The following ALK variants were observed in gnomAD, a reference collection of about 807,000 sequenced individuals.
The protein encoded by ALK is ALK receptor tyrosine kinase.
Under a neutral mutation model 163.1 loss-of-function variants are expected in ALK, and 74 were observed. The observed-to-expected ratio is 0.45, with a 90% CI of 0.38 to 0.55. The LOEUF (loss-of-function observed/expected upper bound fraction) is 0.55, where lower values mean the gene tolerates loss of function less well. Ranked by LOEUF, ALK falls within the 20% of genes least tolerant of loss-of-function variation. The probability of loss-of-function intolerance (pLI) is 0.00; values close to 1 mark genes in which losing one functional copy is unlikely to be tolerated. For missense variants in ALK, 2,063 were observed against 2,105.3 expected (o/e 0.98, Z 0.39); for synonymous variants, 960 against 843.2 (o/e 1.14, Z -2.40).
At chr2:29,296,846 T>C in intron 9 of ALK, 42 bp downstream of exon 9, 1 of 1,613,268 alleles carries the variant, frequency 6.2e-7, no homozygotes. Context: ...TCATTTTAGC[T>C]GATAGAGGAG....
At chr2:29,809,849 G>C (rs563479718) in intron 1 of ALK, among the ~76,000 whole-genome samples, 54 of 152,330 alleles carry the variant, frequency 3.5e-4, no homozygotes, top group African/African-American at 1.2e-3. Flanking sequence ...GGATGGTCCA[G>C]CTTCACTGAG....
chr2:29,572,574 G>T (rs1418048537), intron 3 of ALK, among the ~76,000 whole-genome samples: 1 of 152,110 alleles, frequency 6.6e-6, no homozygotes, highest in Non-Finnish European at 1.5e-5. Flanking sequence ...TATCTGGGTG[G>T]TTATTATATT....
intron 4 of ALK, among the ~76,000 whole-genome samples, chr2:29,474,369 G>A (rs569069512): frequency 1.8e-4 from 27 of 152,298 alleles, no homozygotes; most frequent in Admixed American, 7.2e-4. Context: ...CTTACCTGCC[G>A]GTAAGTGTTT....
intron 3 of ALK, among the ~76,000 whole-genome samples, chr2:29,643,421 T>A (rs1676761422): frequency 6.6e-6 from 1 of 152,186 alleles, no homozygotes; most frequent in Non-Finnish European, 1.5e-5. Flanking sequence ...TTAATTTTAG[T>A]CTAAGAAATT....
intron 4 of ALK, among the ~76,000 whole-genome samples, chr2:29,430,996 C>A (rs1208969488): frequency 7.3e-6 from 1 of 137,146 alleles, no homozygotes; most frequent in Non-Finnish European, 1.6e-5. Context: ...CAAGGCGAGG[C>A]TTTTTTTTTT....
intron 5 of ALK, among the ~76,000 whole-genome samples, chr2:29,345,505 C>T (rs533605548): frequency 6.6e-6 from 1 of 151,994 alleles, no homozygotes; most frequent in African/African-American, 2.4e-5. Context: ...GGGACTCTTA[C>T]ATACTGCTGG....
rs75549758 is a variant in ALK, at chr2:29,695,207, T to C, written c.788-193A>G. ...CTAAGAGAATAAAATGTGCTCTTTC[T>C]GTAACTCATATTACGGGAGATGTTC... is the stretch of plus-strand genomic sequence containing the variant. On this transcript the variant is annotated intron_variant, in intron 2 of 28. Coordinates refer to ENST00000389048, the MANE Select transcript of ALK (RefSeq NM_004304.5). Among the ~76,000 whole-genome samples the C allele has an allele frequency of 0.018, 2,781 of 152,322 alleles. 77 individuals are homozygous for C. The highest frequency in any genetic ancestry group is 0.063 in the African/African-American group (2,617 of 41,562).
intron 1 of ALK, among the ~76,000 whole-genome samples, chr2:29,782,613 A>G (rs1002141411): frequency 1.3e-5 from 2 of 152,170 alleles, no homozygotes; most frequent in African/African-American, 2.4e-5. Context: ...TCAGTCTTCC[A>G]GGAAGGGAGA....
intron 1 of ALK, among the ~76,000 whole-genome samples, chr2:29,881,893 C>G (rs542166236): frequency 6.6e-6 from 1 of 152,300 alleles, no homozygotes; most frequent in Admixed American, 6.5e-5. Flanking sequence ...CTACTCCCAG[C>G]AGATTGGAGG....
chr2:29,364,193 G>A (rs879588889), intron 5 of ALK, among the ~76,000 whole-genome samples: 29 of 152,270 alleles, frequency 1.9e-4, no homozygotes, highest in African/African-American at 6.7e-4. Context: ...CAAGTTCTAC[G>A]GCAGATACCT....
rs151323571 is a variant in ALK, at chr2:29,523,994, C to T, written c.1154+7921G>A. Among the ~76,000 whole-genome samples the T allele has an allele frequency of 2.1e-3, 309 of 150,296 alleles. 3 individuals are homozygous for T. The highest frequency in any genetic ancestry group is 7.1e-3 in the African/African-American group (292 of 40,876). ...CCTTCACAGTTGAGGTGCATTTTGA[C>T]AGCTGCTTCCTGAGCCCCAGGGAGG... On this transcript the variant is annotated intron_variant, in intron 4 of 28. Coordinates refer to ENST00000389048, the MANE Select transcript of ALK (RefSeq NM_004304.5).
At chr2:29,541,742 G>T (rs1331431355) in intron 3 of ALK, among the ~76,000 whole-genome samples, 2 of 152,196 alleles carry the variant, frequency 1.3e-5, no homozygotes, top group African/African-American at 4.8e-5. Flanking sequence ...TTGTGGGGCA[G>T]ATTTGCATCT....
chr2:29,701,440 G>A (rs1678732036), intron 2 of ALK, among the ~76,000 whole-genome samples: 1 of 152,192 alleles, frequency 6.6e-6, no homozygotes, highest in Non-Finnish European at 1.5e-5. Flanking sequence ...CCCCTTGGAT[G>A]AGGCCTTGCA....
intron 3 of ALK, among the ~76,000 whole-genome samples, chr2:29,694,200 T>C (rs977919974): frequency 6.6e-6 from 1 of 152,316 alleles, no homozygotes; most frequent in East Asian, 1.9e-4. Context: ...TGCCCACTAC[T>C]TTCCTCTGAG....
intron 1 of ALK, among the ~76,000 whole-genome samples, chr2:29,770,972 C>T (rs570136583): frequency 1.3e-5 from 2 of 151,354 alleles, no homozygotes; most frequent in African/African-American, 4.9e-5. Flanking sequence ...CACAAATACA[C>T]AGACATACAC....
intron 1 of ALK, among the ~76,000 whole-genome samples, chr2:29,908,838 T>C (rs1667622676): frequency 6.6e-6 from 1 of 152,262 alleles, no homozygotes; most frequent in Non-Finnish European, 1.5e-5. Flanking sequence ...CTGCCTTTTA[T>C]TGGAGTTATT....
At chr2:29,368,707 T>A (rs1008324357) in intron 5 of ALK, among the ~76,000 whole-genome samples, 7 of 152,186 alleles carry the variant, frequency 4.6e-5, no homozygotes, top group African/African-American at 1.4e-4. Flanking sequence ...TAAGACCTCA[T>A]AGCCTTTTTC....
chr2:29,664,435 C>T (rs1190093709), intron 3 of ALK, among the ~76,000 whole-genome samples: 4 of 152,084 alleles, frequency 2.6e-5, no homozygotes, highest in Non-Finnish European at 4.4e-5. Context: ...CTCCCACTTC[C>T]ATTTGGGAGT....
intron 3 of ALK, among the ~76,000 whole-genome samples, chr2:29,634,642 C>T (rs1171186213): frequency 6.6e-6 from 1 of 152,194 alleles, no homozygotes; most frequent in East Asian, 1.9e-4. Context: ...GATAAATCTA[C>T]AAATTAAACT....
Sources: gnomAD v4.1 joint callset for allele counts (sites outside exome capture counted in the v4.1 genomes callset) on GRCh38, gnomAD v4.1.1 for gene constraint, MANE v1.5 for transcripts, NCBI Gene and HGNC (gene_info 2026-07-23, HGNC 2026-07-21) for gene names.